S100A8: variants seen among roughly 807,000 people sequenced by gnomAD.
S100A8 encodes the protein S100 calcium binding protein A8.
A neutral mutation model predicts 4.2 loss-of-function variants in S100A8; 1 was observed. The observed-to-expected ratio is 0.24, with a 90% confidence interval of 0.08 to 1.12. The LOEUF (loss-of-function observed/expected upper bound fraction) is 1.12. Ranked by LOEUF, S100A8 falls within the 50% of genes most tolerant of loss-of-function variation. The probability of loss-of-function intolerance (pLI) is 0.53; values close to 1 mark genes in which losing one functional copy is unlikely to be tolerated. For missense variants in S100A8, 96 were observed against 111.8 expected, an observed-to-expected ratio of 0.86 and a Z score of 0.64; for synonymous variants, 41 against 44.7, an observed-to-expected ratio of 0.92 and a Z score of 0.33.
chr1:153,407,122 G>A, the S100A8 span, among the ~76,000 whole-genome samples: 6 of 152,326 alleles, frequency 3.9e-5, no homozygotes, highest in Admixed American at 3.9e-4. Flanking sequence ...GACAGTGGGA[G>A]CAATACAGTG....
At chr1:153,408,683 A>G in the S100A8 span, among the ~76,000 whole-genome samples, 107 of 152,342 alleles carry the variant, frequency 7.0e-4, no homozygotes, top group African/African-American at 2.4e-3. Context: ...TGTCAGATTC[A>G]CCAAAGTTGA....
chr1:153,415,700 TCATTCCATGGGGCGGG>T, the S100A8 span, among the ~76,000 whole-genome samples: 1 of 133,164 alleles, frequency 7.5e-6, no homozygotes, highest in Non-Finnish European at 1.6e-5. Context: ...ACCTCCAGGC[TCATTCCATGGGGCGGG>T]GGGGGCGGGG....
the S100A8 span, among the ~76,000 whole-genome samples, chr1:153,415,347 C>T: frequency 6.6e-6 from 1 of 152,108 alleles, no homozygotes; most frequent in Non-Finnish European, 1.5e-5. Flanking sequence ...CCTAGGGAGA[C>T]ATCACATCAG....
At chr1:153,411,630 A>G in the S100A8 span, among the ~76,000 whole-genome samples, 4 of 152,212 alleles carry the variant, frequency 2.6e-5, no homozygotes, top group African/African-American at 9.7e-5. Flanking sequence ...GGAAAAAACT[A>G]CTTTAAAATT....
At chr1:153,403,087 A>C in the S100A8 span, among the ~76,000 whole-genome samples, 1 of 152,242 alleles carries the variant, frequency 6.6e-6, no homozygotes, top group Non-Finnish European at 1.5e-5. Flanking sequence ...ACAAAATGAC[A>C]ATTCCAAGTG....
Position 153,390,132 on chromosome 1 carries a change from T to C in S100A8, c.253A>G (p.Lys85Glu), listed in dbSNP as rs749219175. Residue 85 changes from lysine (K) to glutamate (E), a missense_variant, in exon 3 of 3, where the codon AAA becomes GAA. Transcript: ENST00000368733. ...VIKMGVAAHK[K>E]SHEESHKE ...TCTTTGTGGCTTTCTTCATGGCTTT[T>C]TTTGTGGGCTGCCACGCCCATCTTT... 6.2e-7 allele frequency: 1 copy of C among 1,614,024 alleles called. No individual in the cohort carries two copies. The highest frequency in any genetic ancestry group is 8.5e-7 in the Non-Finnish European group (1 of 1,179,950).
chr1:153,391,672 T>G (rs1662101811), upstream of S100A8, among the ~76,000 whole-genome samples: 1 of 152,130 alleles, frequency 6.6e-6, no homozygotes, highest in South Asian at 2.1e-4. Context: ...GCTATATCCA[T>G]TCCTACCCTG....
At position 153,390,398 on chromosome 1, in the gene S100A8, G is replaced by C. The variant is rs1366499561; in HGVS notation, c.138C>G (p.Ile46Met). The C allele has an allele frequency of 9.9e-6, 16 of 1,613,964 alleles. No individual in the cohort carries two copies. The highest frequency in any genetic ancestry group is 1.3e-5 in the Non-Finnish European group (15 of 1,179,968). The change falls in exon 2 of 3, where the codon ATC (isoleucine) becomes ATG (methionine). Residue 46 changes from isoleucine to methionine, a missense_variant. Coordinates refer to ENST00000368733, the MANE Select transcript of S100A8 (RefSeq NM_002964.5). ...KLLETECPQY[I>M]RKKGADVWFK... Reference sequence around the variant, plus strand: ...GCCACACCCAGCCCCTCCTCACCCTGATATACTGAGGACACTCGGTCTCTA... The same window carrying C: ...GCCACACCCAGCCCCTCCTCACCCTCATATACTGAGGACACTCGGTCTCTA...
At chr1:153,396,275 G>A in the S100A8 span, among the ~76,000 whole-genome samples, 1 of 152,232 alleles carries the variant, frequency 6.6e-6, no homozygotes, top group Non-Finnish European at 1.5e-5. Context: ...CTTCCCCTCA[G>A]ACAGGGGCTC....
At chr1:153,419,190 G>C in the S100A8 span, 1 of 1,614,164 alleles carries the variant, frequency 6.2e-7, no homozygotes, top group Non-Finnish European at 8.5e-7. Context: ...TGAGAAAAAG[G>C]ACAAGAATGA....
the S100A8 span, among the ~76,000 whole-genome samples, chr1:153,404,653 C>T: frequency 6.7e-6 from 1 of 148,198 alleles, no homozygotes; most frequent in African/African-American, 2.6e-5. Flanking sequence ...TTATCTCTTC[C>T]TGTTTCTACC....
chr1:153,390,767 C>A, intron 1 of S100A8: 1 of 628,572 alleles, frequency 1.6e-6, no homozygotes, highest in South Asian at 2.2e-5. Context: ...CACACAGAGA[C>A]ATGTGCACAC....
the S100A8 span, among the ~76,000 whole-genome samples, chr1:153,412,638 A>G: frequency 6.6e-6 from 1 of 152,246 alleles, no homozygotes; most frequent in Non-Finnish European, 1.5e-5. Flanking sequence ...TACTGGGTAT[A>G]TACCCAAGGG....
chr1:153,412,685 G>A, the S100A8 span, among the ~76,000 whole-genome samples: 9 of 152,110 alleles, frequency 5.9e-5, no homozygotes, highest in South Asian at 2.1e-4. Context: ...ACATGCACAC[G>A]TATGTTTATT....
In S100A8 at chr1:153,390,413, CTCGG is replaced by C; in HGVS notation, c.119_122del (p.Thr40SerfsTer35). 1 of 1,614,178 alleles carries C rather than the reference CTCGG, an allele frequency of 6.2e-7. No individual in the cohort carries two copies. The highest frequency in any genetic ancestry group is 8.5e-7 in the Non-Finnish European group (1 of 1,180,032). ...TCCTCACCCTGATATACTGAGGACACTCGGTCTCTAGCAATTTCTTCAGGTCATC... is the reference window on the plus strand; with the variant it reads ...TCCTCACCCTGATATACTGAGGACACTCTCTAGCAATTTCTTCAGGTCATC... On this transcript the variant is annotated frameshift_variant, in exon 2 of 3. Transcript: ENST00000368733. LOFTEE classifies it low-confidence loss of function (END_TRUNC).
chr1:153,407,086 C>T, the S100A8 span, among the ~76,000 whole-genome samples: 7 of 152,272 alleles, frequency 4.6e-5, no homozygotes, highest in Admixed American at 2.0e-4. Flanking sequence ...ACTGAGGTAC[C>T]GGGTTCATCT....
At chr1:153,407,806 C>A in the S100A8 span, among the ~76,000 whole-genome samples, 11 of 152,356 alleles carry the variant, frequency 7.2e-5, no homozygotes, top group Admixed American at 4.6e-4. Context: ...ATTTGCCATT[C>A]TGCAATATTT....
chr1:153,412,516 G>C, the S100A8 span, among the ~76,000 whole-genome samples: 4,471 of 152,216 alleles, frequency 0.029, 223 homozygotes, highest in African/African-American at 0.1. Flanking sequence ...AATAGGAACA[G>C]TTTTACACTG....
the S100A8 span, among the ~76,000 whole-genome samples, chr1:153,399,682 A>G: frequency 2.1e-4 from 32 of 152,218 alleles, no homozygotes; most frequent in Non-Finnish European, 4.0e-4. Flanking sequence ...CACTAGGCAC[A>G]TGGAAGCCAA....
Sources: gnomAD v4.1 joint callset for allele counts (sites outside exome capture counted in the v4.1 genomes callset) on GRCh38, gnomAD v4.1.1 for gene constraint, MANE v1.5 for transcripts, NCBI Gene and HGNC (gene_info 2026-07-23, HGNC 2026-07-21) for gene names.